Variants in PEX7 observed in about 807,000 individuals in gnomAD.
PEX7 encodes PTS2 receptor.
Under a neutral mutation model 47.5 loss-of-function variants are expected in PEX7, and 34 were observed. The ratio of observed to expected loss-of-function variants is 0.72; its 90% CI spans 0.54 to 0.95. The LOEUF is 0.95. Among genes scored for constraint, PEX7 ranks in the 40% least tolerant of loss-of-function variants. The probability of loss-of-function intolerance (pLI) is 0.00; values close to 1 mark genes in which losing one functional copy is unlikely to be tolerated. For missense variants in PEX7, 394 were observed against 400.3 expected (o/e 0.98, Z 0.13); for synonymous variants, 141 against 148.8 (o/e 0.95, Z 0.38).
rs1343120449 is a variant in PEX7, at chr6:136,869,877, G to C, written c.634-13G>C. On this transcript the variant is annotated splice_polypyrimidine_tract_variant and intron_variant, in intron 6 of 9. Transcript: ENST00000318471. ...AAGATGTCACAGTTTATGTTTCTCT[G>C]AATTGTTTTTAGAATTTGCTGGTGA... 7 of 1,592,956 alleles carry C rather than the reference G, an allele frequency of 4.4e-6. No homozygotes were observed. The African/African-American group carries it at 6.7e-5, about 15-fold the overall frequency.
At chr6:136,837,528 G>A (rs1336270712) in intron 3 of PEX7, among the ~76,000 whole-genome samples, 1 of 152,084 alleles carries the variant, frequency 6.6e-6, no homozygotes, top group Non-Finnish European at 1.5e-5. Flanking sequence ...GCACAGTAAA[G>A]ATTTAGAAGC....
chr6:136,894,174 A>T (rs1021033946), intron 8 of PEX7, among the ~76,000 whole-genome samples: 31 of 152,278 alleles, frequency 2.0e-4, no homozygotes, highest in African/African-American at 7.2e-4. Flanking sequence ...AAAAGTAATA[A>T]TAGGCCAGGA....
chr6:136,881,759 A>G (rs1366230549), intron 8 of PEX7, among the ~76,000 whole-genome samples: 1 of 152,182 alleles, frequency 6.6e-6, no homozygotes, highest in Non-Finnish European at 1.5e-5. Context: ...GCTCAGAATC[A>G]TCATAGTTTT....
At chr6:136,828,339 T>C (rs1264898465) in intron 3 of PEX7, among the ~76,000 whole-genome samples, 1 of 152,234 alleles carries the variant, frequency 6.6e-6, no homozygotes, top group Non-Finnish European at 1.5e-5. Flanking sequence ...ATATCCTGGA[T>C]GGATGCTCAC....
intron 3 of PEX7, among the ~76,000 whole-genome samples, chr6:136,838,821 G>T (rs1046857931): frequency 6.6e-6 from 1 of 152,064 alleles, no homozygotes; most frequent in East Asian, 1.9e-4. Flanking sequence ...GTGCCTGGGG[G>T]TTTATTATAC....
At chr6:136,855,582 C>T (rs111346409) in intron 5 of PEX7, 3,076 of 176,700 alleles carry the variant, frequency 0.017, 108 homozygotes, top group African/African-American at 0.07. Context: ...TCAGGTAATC[C>T]GCCTGCCTTG....
At position 136,829,572 on chromosome 6, in the gene PEX7, A is replaced by C. The variant is rs181215346; in HGVS notation, c.339+3103A>C. Among the ~76,000 whole-genome samples the C allele has an allele frequency of 9.2e-4, 140 of 152,342 alleles. 1 individual carries two copies. The highest frequency in any genetic ancestry group is 1.2e-4 in the Non-Finnish European group (8 of 68,036). ...ATTCAGTCCATTGCATATGCCAGAT[A>C]CTCAAAAATACTTAAAAGGATTTAA... On this transcript the variant is annotated intron_variant, in intron 3 of 9. Coordinates refer to ENST00000318471, the MANE Select transcript of PEX7 (RefSeq NM_000288.4).
At chr6:136,910,718 A>C (rs1775919992) in intron 9 of PEX7, among the ~76,000 whole-genome samples, 1 of 152,194 alleles carries the variant, frequency 6.6e-6, no homozygotes, top group South Asian at 2.1e-4. Context: ...CTCTTGTGTA[A>C]TTTTCAGCCT....
At chr6:136,887,236 G>A (rs1414724616) in intron 8 of PEX7, among the ~76,000 whole-genome samples, 1 of 151,908 alleles carries the variant, frequency 6.6e-6, no homozygotes, top group East Asian at 1.9e-4. Context: ...GCCATTACTA[G>A]CTATATTATA....
intron 6 of PEX7, among the ~76,000 whole-genome samples, chr6:136,866,977 G>A (rs1420618059): frequency 6.6e-6 from 1 of 152,166 alleles, no homozygotes; most frequent in Non-Finnish European, 1.5e-5. Flanking sequence ...AGGCTTACTT[G>A]TTTGTTTTGG....
chr6:136,865,264 A>G (rs1292688850), intron 5 of PEX7, among the ~76,000 whole-genome samples: 1 of 152,054 alleles, frequency 6.6e-6, no homozygotes, highest in African/African-American at 2.4e-5. Context: ...TAGCCTGGCC[A>G]ACATGGTGAA....
At chr6:136,901,244 A>G (rs1161557155) in intron 9 of PEX7, 1 of 152,300 alleles carries the variant, frequency 6.6e-6, no homozygotes, top group African/African-American at 2.4e-5. Flanking sequence ...CAAGTTCTAC[A>G]TGTATCTCCA....
chr6:136,902,637 T>C lies in PEX7; in HGVS notation c.903+4396T>C, dbSNP rs79988521. Among the ~76,000 whole-genome samples, 10 of 152,256 alleles carry C rather than the reference T, an allele frequency of 6.6e-5. No homozygotes were observed. The East Asian group carries it at 1.9e-3, about 29-fold the overall frequency. On this transcript the variant is annotated intron_variant, in intron 9 of 9. Transcript: ENST00000318471. ...CTGACATTTTATCTTTTCTTTCTTA[T>C]CCTTCTTATTTCTAAATTAGATACT... is the stretch of plus-strand genomic sequence containing the variant.
chr6:136,853,926 A>G (rs1457076604), intron 5 of PEX7, among the ~76,000 whole-genome samples: 1 of 152,148 alleles, frequency 6.6e-6, no homozygotes, highest in African/African-American at 2.4e-5. Context: ...TTTTAAGCTA[A>G]GTCATAGCTT....
chr6:136,893,953 A>G (rs1018492080), intron 8 of PEX7, among the ~76,000 whole-genome samples: 1 of 152,248 alleles, frequency 6.6e-6, no homozygotes, highest in Non-Finnish European at 1.5e-5. Flanking sequence ...GTTAGTATAG[A>G]GATTTCAAAT....
chr6:136,847,378 G>A (rs1183340107), intron 5 of PEX7, among the ~76,000 whole-genome samples: 1 of 151,776 alleles, frequency 6.6e-6, no homozygotes, highest in Non-Finnish European at 1.5e-5. Flanking sequence ...TTTGGCTTTT[G>A]TTGCCATTGC....
intron 9 of PEX7, among the ~76,000 whole-genome samples, chr6:136,899,940 A>T (rs529311339): frequency 1.3e-5 from 2 of 152,346 alleles, no homozygotes; most frequent in South Asian, 4.1e-4. Flanking sequence ...TTTTAGTCTT[A>T]AAAAGTTACA....
intron 3 of PEX7, among the ~76,000 whole-genome samples, chr6:136,835,091 A>G (rs1229950031): frequency 6.6e-6 from 1 of 151,310 alleles, no homozygotes; most frequent in Admixed American, 6.6e-5. Context: ...AGGCATGACT[A>G]ATTTTGTATT....
chr6:136,833,437 CA>C (rs1276373005), intron 3 of PEX7, among the ~76,000 whole-genome samples: 3 of 152,188 alleles, frequency 2.0e-5, no homozygotes, highest in Admixed American at 2.0e-4. Flanking sequence ...ACCAGTCCTG[CA>C]TTTAAAACTA....
Sources: allele counts gnomAD v4.1 joint callset (sites outside exome capture counted in the v4.1 genomes callset), GRCh38; gene constraint gnomAD v4.1.1; transcripts MANE v1.5; gene names NCBI Gene and HGNC (gene_info 2026-07-23, HGNC 2026-07-21).